The following C19orf81 variants were observed in gnomAD, a reference collection of about 807,000 sequenced individuals.
The protein encoded by C19orf81 is putative uncharacterized protein C19orf81.
Under a neutral mutation model 22.1 loss-of-function variants are expected in C19orf81, and 19 were observed. The ratio of observed to expected loss-of-function variants is 0.86; its 90% CI spans 0.60 to 1.26. The LOEUF (loss-of-function observed/expected upper bound fraction) is 1.26, where lower values mean the gene tolerates loss of function less well. Among genes scored for constraint, C19orf81 ranks in the 50% most tolerant of loss-of-function variants. The pLI is 0.00. For missense variants in C19orf81, 287 were observed against 280.7 expected (o/e 1.02, Z -0.16); for synonymous variants, 108 against 113.1 (o/e 0.95, Z 0.29).
chr19:50,649,678 C>A (rs1248980280), intron 1 of C19orf81, 167 bp downstream of exon 1: 2 of 764,964 alleles, frequency 2.6e-6, no homozygotes, highest in Non-Finnish European at 4.5e-6. Context: ...CCCCCTTGGA[C>A]CTCAAACTAC....
chr19:50,651,899 T>C (rs1984885749), intron 1 of C19orf81, among the ~76,000 whole-genome samples: 1 of 152,258 alleles, frequency 6.6e-6, no homozygotes, highest in East Asian at 1.9e-4. Flanking sequence ...GAGAAACTAT[T>C]GTATTCACAT....
At chr19:50,651,420 C>T (rs1984876579) in intron 1 of C19orf81, among the ~76,000 whole-genome samples, 1 of 151,914 alleles carries the variant, frequency 6.6e-6, no homozygotes, top group Non-Finnish European at 1.5e-5. Flanking sequence ...GCCCCTAGAC[C>T]GGGAGACTGG....
At chr19:50,655,935 C>A in intron 1 of C19orf81, 115 bp from the exon 2 acceptor site, 1 of 987,320 alleles carries the variant, frequency 1.0e-6, no homozygotes, top group Non-Finnish European at 1.5e-6. Flanking sequence ...AACTCAACAT[C>A]TGGCATACAA....
chr19:50,658,935 C>T lies in C19orf81; in HGVS notation c.402-12C>T. The T allele has an allele frequency of 3.4e-6, 5 of 1,456,496 alleles. No individual in the cohort carries two copies. Among genetic ancestry groups the T allele is most frequent in the Non-Finnish European group, 4.6e-6 (5 of 1,098,862 alleles). 90.2% of individuals were successfully genotyped at this position (1,456,496 alleles called of 1,614,324 possible). A position where few individuals can be genotyped will look rare whatever the true frequency, so the allele number is the denominator to read the frequency against. On this transcript the variant is annotated splice_polypyrimidine_tract_variant and intron_variant, in intron 4 of 4. Transcript: ENST00000425202. ...CCTGCGAGTTCCTTTTCCGTCCCCA[C>T]CCCCCTTACAGGTGGCTCATCGCGG...
intron 1 of C19orf81, among the ~76,000 whole-genome samples, chr19:50,652,252 C>G (rs1276225731): frequency 6.6e-6 from 1 of 152,032 alleles, no homozygotes; most frequent in Non-Finnish European, 1.5e-5. Flanking sequence ...AATTAGGGCC[C>G]AAACAAAGTG....
intron 3 of C19orf81, among the ~76,000 whole-genome samples, chr19:50,657,546 T>G (rs56013047): frequency 0.24 from 35,903 of 152,186 alleles, 5,399 homozygotes; most frequent in African/African-American, 0.42. Context: ...GACCCTTATC[T>G]TTTGACTACT....
intron 3 of C19orf81, among the ~76,000 whole-genome samples, chr19:50,657,569 A>G (rs954227017): frequency 6.6e-6 from 1 of 152,160 alleles, no homozygotes; most frequent in East Asian, 1.9e-4. Flanking sequence ...ACATTCTTAA[A>G]ATGCTAATAC....
Position 50,658,962 on chromosome 19 carries a change from C to T in C19orf81, c.417C>T (p.Val139=). ...AGRRNRWLIA[V]TDFQTRSRLL... is the part of the protein sequence containing the mutation. ...CCCCTTACAGGTGGCTCATCGCGGT[C>T]ACGGACTTCCAGACGCGCTCGCGCT... is the stretch of plus-strand genomic sequence containing the variant. The change falls in exon 5 of 5, where the codon GTC becomes GTT. Residue 139 remains valine (V), a synonymous_variant. Coordinates refer to ENST00000425202, the MANE Select transcript of C19orf81 (RefSeq NM_001195076.2). The T allele has an allele frequency of 6.7e-7, 1 of 1,496,546 alleles. No homozygotes were observed. Among genetic ancestry groups the T allele is most frequent in the South Asian group, 1.2e-5 (1 of 80,272 alleles). 92.7% of individuals were successfully genotyped at this position (1,496,546 alleles called of 1,614,324 possible). A position where few individuals can be genotyped will look rare whatever the true frequency, so the allele number is the denominator to read the frequency against.
chr19:50,653,392 A>G (rs73042543), intron 1 of C19orf81, among the ~76,000 whole-genome samples: 45,772 of 151,670 alleles, frequency 0.3, 7,408 homozygotes, highest in African/African-American at 0.42. Flanking sequence ...CAGTAAGCAC[A>G]TAGTTATATT....
intron 1 of C19orf81, among the ~76,000 whole-genome samples, chr19:50,653,722 A>ACG (rs1568421087): frequency 1.4e-5 from 2 of 145,908 alleles, no homozygotes; most frequent in African/African-American, 2.7e-5. Flanking sequence ...ACACACACAC[A>ACG]CACACACACA....
intron 1 of C19orf81, among the ~76,000 whole-genome samples, chr19:50,655,664 A>G (rs1401832597): frequency 3.3e-5 from 5 of 151,932 alleles, no homozygotes; most frequent in Non-Finnish European, 7.4e-5. Flanking sequence ...AAAAAAACAA[A>G]AAACCTGAAA....
chr19:50,650,263 G>A (rs1202735933), intron 1 of C19orf81, among the ~76,000 whole-genome samples: 1 of 152,158 alleles, frequency 6.6e-6, no homozygotes, highest in Non-Finnish European at 1.5e-5. Context: ...CAGGCTCCTA[G>A]CCCAGCACTT....
At position 50,649,658 on chromosome 19, in the gene C19orf81, T is replaced by C. The variant is rs145429315; in HGVS notation, c.67+147T>C. ...AGCATTCCTGGATTCACCAGATTCCTGGAGAGCGGCCCCCTTGGACCTCAA... is the reference window on the plus strand; with the variant it reads ...AGCATTCCTGGATTCACCAGATTCCCGGAGAGCGGCCCCCTTGGACCTCAA... On this transcript the variant is annotated intron_variant, in intron 1 of 4. Coordinates refer to ENST00000425202, the MANE Select transcript of C19orf81 (RefSeq NM_001195076.2). The C allele has an allele frequency of 4.0e-4, 363 of 917,426 alleles. 1 individual carries two copies. In the African/African-American group the frequency reaches 5.3e-3, roughly 13 times the overall value. 56.8% of individuals were successfully genotyped at this position (917,426 alleles called of 1,614,324 possible).
In C19orf81 at chr19:50,656,248, A is replaced by G. The variant is rs1177182398; in HGVS notation, c.163A>G (p.Ile55Val). The G allele has an allele frequency of 1.3e-6, 2 of 1,535,992 alleles. No homozygotes were observed. The highest frequency in any genetic ancestry group is 2.7e-5 in the African/African-American group (2 of 73,042). ...TAGAAAGCAGTACCTGCGGCAGGTC[A>G]TTGCAGAGTACGAGGCACTGGACCG... ...KSSKQYLRQV[I>V]AEYEALDREL... The change falls in exon 3 of 5, where the codon ATT (isoleucine) becomes GTT (valine). Residue 55 changes from isoleucine (I) to valine (V), a missense_variant. Ile to Val is a conservative substitution (Grantham distance 29). Coordinates refer to ENST00000425202, the MANE Select transcript of C19orf81 (RefSeq NM_001195076.2).
Position 50,656,341 on chromosome 19 carries a change from A to G in C19orf81, c.256A>G (p.Thr86Ala), listed in dbSNP as rs1463800179. ...ASQPLCLCME[T>A]LPEEDFTHLE... ...CCAGCCCCTCTGCCTCTGCATGGAG[A>G]CCTTGGTGAGTGGACCTGTGCCCTT... is the stretch of plus-strand genomic sequence containing the variant. Residue 86 changes from threonine to alanine, a missense_variant, in exon 3 of 5, where the codon ACC becomes GCC. Coordinates refer to ENST00000425202, the MANE Select transcript of C19orf81 (RefSeq NM_001195076.2). 6.5e-7 allele frequency: 1 copy of G among 1,535,196 alleles called. No homozygotes were observed. Among genetic ancestry groups the G allele is most frequent in the East Asian group, 2.4e-5 (1 of 40,910 alleles).
At position 50,656,109 on chromosome 19, in the gene C19orf81, C is replaced by A; in HGVS notation, c.127C>A (p.Pro43Thr). 1 of 1,536,154 alleles carries A rather than the reference C, an allele frequency of 6.5e-7. No individual in the cohort carries two copies. The highest frequency in any genetic ancestry group is 1.2e-5 in the South Asian group (1 of 84,066). The change falls in exon 2 of 5, where the codon CCC (proline) becomes ACC (threonine). Residue 43 changes from proline (P) to threonine (T), a missense_variant. Physicochemically the swap from Pro to Thr is conservative, Grantham distance 38 (BLOSUM62 -1). Coordinates refer to ENST00000425202, the MANE Select transcript of C19orf81 (RefSeq NM_001195076.2). ...GATGCAGGCTCGGAGCCTGGGCAGG[C>A]CCATCAAATCCTCGTGAGTTGTCCC... Reference protein sequence around the residue: ...EEMQARSLGRPIKSSKQYLRQ... With the variant: ...EEMQARSLGRTIKSSKQYLRQ...
chr19:50,650,586 G>A (rs1021895094), intron 1 of C19orf81, among the ~76,000 whole-genome samples: 5 of 152,080 alleles, frequency 3.3e-5, no homozygotes, highest in Admixed American at 6.5e-5. Context: ...CAGGAGAATC[G>A]CTTGAACCCA....
At position 50,649,464 on chromosome 19, in the gene C19orf81, C is replaced by T. The variant is rs1181743515; in HGVS notation, c.20C>T (p.Pro7Leu). 2 of 1,536,126 alleles carry T rather than the reference C, an allele frequency of 1.3e-6. No homozygotes were observed. Among genetic ancestry groups the T allele is most frequent in the African/African-American group, 2.7e-5 (2 of 73,030 alleles). Residue 7 changes from proline to leucine, a missense_variant, in exon 1 of 5, where the codon CCC (proline) becomes CTC (leucine). Pro to Leu is a moderately conservative substitution (Grantham distance 98, BLOSUM62 -3). Coordinates refer to ENST00000425202, the MANE Select transcript of C19orf81 (RefSeq NM_001195076.2). MQPEVE[P>L]VCFPAMGSPT... The stretch of plus-strand genomic sequence containing the variant: ...CCCAGGATGCAGCCAGAGGTGGAGC[C>T]CGTGTGCTTCCCTGCCATGGGCAGC...
chr19:50,649,840 C>A (rs764573489), intron 1 of C19orf81: 10 of 493,420 alleles, frequency 2.0e-5, no homozygotes, highest in Non-Finnish European at 4.0e-5. Flanking sequence ...TCAGCATCTT[C>A]CCCCAAAGCT....
Sources: allele counts gnomAD v4.1 joint callset (sites outside exome capture counted in the v4.1 genomes callset), GRCh38; gene constraint gnomAD v4.1.1; transcripts MANE v1.5; gene names NCBI Gene and HGNC (gene_info 2026-07-23, HGNC 2026-07-21).